Variants in NDRG1 observed in about 807,000 individuals in gnomAD.
NDRG1 encodes the protein N-myc downstream regulated 1.
NDRG1 carries 32 observed loss-of-function variants against 56.9 expected under a neutral mutation model. The ratio of observed to expected loss-of-function variants is 0.56; its 90% CI spans 0.42 to 0.76. The LOEUF (loss-of-function observed/expected upper bound fraction) is 0.76, where lower values mean the gene tolerates loss of function less well. Among genes scored for constraint, NDRG1 ranks in the 30% least tolerant of loss-of-function variants. NDRG1 has a pLI of 0.00. For missense variants in NDRG1, 507 were observed against 545.7 expected (o/e 0.93, Z 0.71); for synonymous variants, 211 against 204.1 (o/e 1.03, Z -0.29).
intron 1 of NDRG1, among the ~76,000 whole-genome samples, chr8:133,287,325 G>C (rs1458381607): frequency 6.6e-6 from 1 of 152,192 alleles, no homozygotes; most frequent in Non-Finnish European, 1.5e-5. Context: ...AAGAACATCT[G>C]AGTTCACGGA....
chr8:133,273,542 G>A (rs887311635), intron 3 of NDRG1, among the ~76,000 whole-genome samples: 55 of 152,186 alleles, frequency 3.6e-4, no homozygotes, highest in African/African-American at 1.3e-3. Context: ...TCACATGAGC[G>A]GATGCAGGAA....
intron 11 of NDRG1, among the ~76,000 whole-genome samples, chr8:133,248,301 A>G (rs1428313560): frequency 6.6e-6 from 1 of 152,154 alleles, no homozygotes; most frequent in Non-Finnish European, 1.5e-5. Flanking sequence ...CCACAAAAAG[A>G]CACCATCATT....
chr8:133,239,855 T>G (rs978712211), intron 15 of NDRG1: 1 of 152,702 alleles, frequency 6.5e-6, no homozygotes, highest in African/African-American at 2.4e-5. Context: ...GAACCTTATT[T>G]GGAAATAGGG....
intron 8 of NDRG1, chr8:133,255,389 G>A (rs1856314432): frequency 4.4e-6 from 2 of 456,156 alleles, no homozygotes. Flanking sequence ...CCAATGCCTG[G>A]TAATCGAAAG....
At chr8:133,242,912 C>A (rs1475062481) in intron 14 of NDRG1, among the ~76,000 whole-genome samples, 2 of 152,188 alleles carry the variant, frequency 1.3e-5, no homozygotes, top group African/African-American at 4.8e-5. Flanking sequence ...AATTAATTAA[C>A]AACTAACTGG....
intron 9 of NDRG1, among the ~76,000 whole-genome samples, chr8:133,253,724 C>T (rs1385915102): frequency 3.9e-5 from 6 of 152,204 alleles, no homozygotes; most frequent in Non-Finnish European, 8.8e-5. Flanking sequence ...GAGACAGGGT[C>T]TCTCTGTCAC....
rs1286565668 is a variant in NDRG1, at chr8:133,284,300, C to T, written c.12G>A (p.Glu4=). The T allele has an allele frequency of 6.2e-7, 1 of 1,614,078 alleles. No individual in the cohort carries two copies. Among genetic ancestry groups the T allele is most frequent in the Admixed American group, 1.7e-5 (1 of 60,010 alleles). ...CCTCAGCGAGGTCTACATCCTGCATCTCCCGAGACATGTCCCTGCTGTCAC... is the reference window on the plus strand; with the variant it reads ...CCTCAGCGAGGTCTACATCCTGCATTTCCCGAGACATGTCCCTGCTGTCAC... MSR[E]MQDVDLAEVK... The change falls in exon 2 of 16, where the codon GAG becomes GAA. Residue 4 remains glutamate (E), a synonymous_variant. Coordinates refer to ENST00000323851, the MANE Select transcript of NDRG1 (RefSeq NM_006096.4).
rs1855112170 is a variant in NDRG1, at chr8:133,237,384, A to G, written c.*1494T>C. Reference sequence around the variant, plus strand: ...CCTCTCACGCCACCTGGAAGGCTGGACTACTTCCTCCTCCCAACTGCGGGG... The same window carrying G: ...CCTCTCACGCCACCTGGAAGGCTGGGCTACTTCCTCCTCCCAACTGCGGGG... On this transcript the variant is annotated 3_prime_UTR_variant, in exon 16 of 16. Coordinates refer to ENST00000323851, the MANE Select transcript of NDRG1 (RefSeq NM_006096.4). 1.3e-5 allele frequency: 3 copies of G among 232,098 alleles called. No homozygotes were observed. The highest frequency in any genetic ancestry group is 5.6e-5 in the Admixed American group (1 of 17,726). 14.4% of individuals were successfully genotyped at this position (232,098 alleles called of 1,614,324 possible). A position where few individuals can be genotyped will look rare whatever the true frequency, so the allele number is the denominator to read the frequency against.
At chr8:133,285,081 CA>C (rs1393134385) in intron 1 of NDRG1, among the ~76,000 whole-genome samples, 2 of 152,144 alleles carry the variant, frequency 1.3e-5, no homozygotes, top group Non-Finnish European at 2.9e-5. Context: ...GTGTGGGCTG[CA>C]AAACCAGACT....
Position 133,262,113 on chromosome 8 carries a change from T to A in NDRG1, c.260A>T (p.Gln87Leu). ...FNYEDMQEIT[Q>L]HFAVCHVDAP... ...GTCCACGTGGCAGACGGCAAAGTGCTGGGTGATCTCCTGCATGTCCTCGTA... is the reference window on the plus strand; with the variant it reads ...GTCCACGTGGCAGACGGCAAAGTGCAGGGTGATCTCCTGCATGTCCTCGTA... The change falls in exon 5 of 16, where the codon CAG becomes CTG. Residue 87 changes from glutamine to leucine, a missense_variant. Gln to Leu is a moderately radical substitution (Grantham distance 113). Coordinates refer to ENST00000323851, the MANE Select transcript of NDRG1 (RefSeq NM_006096.4). 1.2e-6 allele frequency: 2 copies of A among 1,614,138 alleles called. No homozygotes were observed. The highest frequency in any genetic ancestry group is 1.7e-6 in the Non-Finnish European group (2 of 1,180,030).
At chr8:133,291,013 G>A (rs1472055305) in intron 1 of NDRG1, among the ~76,000 whole-genome samples, 1 of 152,210 alleles carries the variant, frequency 6.6e-6, no homozygotes, top group African/African-American at 2.4e-5. Context: ...AGGGAAAGGT[G>A]AAAAACTCAC....
rs543770817 is a variant in NDRG1 at position 133,246,544 on chromosome 8, C to T, written c.855+72G>A. 9.6e-5 allele frequency: 144 copies of T among 1,495,472 alleles called. 1 individual carries two copies. The highest frequency in any genetic ancestry group is 2.8e-4 in the Admixed American group (17 of 59,894). The allele number at this position is 1,495,472 out of a possible 1,614,324, so 92.6% of individuals were successfully genotyped here. On this transcript the variant is annotated intron_variant, in intron 13 of 15. Transcript: ENST00000323851. ...TGTGCCTTGCCTTTTTCAAGCCTAA[C>T]TCAATGTTGCAGAAAACGTCTGAGA...
At position 133,263,029 on chromosome 8, in the gene NDRG1, C is replaced by T. The variant is rs141181218; in HGVS notation, c.206-862G>A. The stretch of plus-strand genomic sequence containing the variant: ...ATAAAACATATACTGTGTTAAGCCA[C>T]AGAGGGCTTGGCATCTTTTGTTACA... On this transcript the variant is annotated intron_variant, in intron 4 of 15. Transcript: ENST00000323851. Among the ~76,000 whole-genome samples the T allele has an allele frequency of 1.1e-3, 162 of 152,318 alleles. 1 individual carries two copies. Among genetic ancestry groups the T allele is most frequent in the East Asian group, 6.2e-3 (32 of 5,176 alleles).
chr8:133,257,177 G>A (rs993988839), intron 7 of NDRG1, among the ~76,000 whole-genome samples: 3 of 152,174 alleles, frequency 2.0e-5, no homozygotes, highest in Admixed American at 6.5e-5. Context: ...TCAAATGGGT[G>A]TAACACACCA....
At chr8:133,258,304 GTCTT>G in intron 7 of NDRG1, 58 bp downstream of exon 7, 1 of 1,518,226 alleles carries the variant, frequency 6.6e-7, no homozygotes, top group Non-Finnish European at 9.0e-7. Flanking sequence ...CTTTTCCAAT[GTCTT>G]CCTTCATCTT....
intron 8 of NDRG1, 133 bp downstream of exon 8, chr8:133,256,644 G>A (rs985156152): frequency 1.2e-6 from 1 of 804,674 alleles, no homozygotes; most frequent in African/African-American, 1.7e-5. Context: ...GGGAACTGGA[G>A]TGGGCAGTAG....
chr8:133,269,157 G>A (rs1049511349), intron 3 of NDRG1, among the ~76,000 whole-genome samples: 2 of 152,146 alleles, frequency 1.3e-5, no homozygotes, highest in Non-Finnish European at 1.5e-5. Flanking sequence ...TGCACTGTTC[G>A]TCCTCTTGCC....
intron 8 of NDRG1, chr8:133,255,671 G>T: frequency 3.6e-6 from 1 of 277,644 alleles, no homozygotes; most frequent in Non-Finnish European, 7.2e-6. Flanking sequence ...CTGGAGGAAT[G>T]TTCAAAGAAC....
At chr8:133,278,381 G>T (rs1172905042) in intron 3 of NDRG1, among the ~76,000 whole-genome samples, 2 of 152,104 alleles carry the variant, frequency 1.3e-5, no homozygotes, top group Admixed American at 6.6e-5. Context: ...TGTCCCTCAG[G>T]TTCCCCAGCT....
Sources: allele counts gnomAD v4.1 joint callset (sites outside exome capture counted in the v4.1 genomes callset), GRCh38; gene constraint gnomAD v4.1.1; transcripts MANE v1.5; gene names NCBI Gene and HGNC (gene_info 2026-07-23, HGNC 2026-07-21).